Variants in NTM observed in about 807,000 individuals in gnomAD.
The protein encoded by NTM is neurotrimin.
A neutral mutation model predicts 42.1 loss-of-function variants in NTM; 13 were observed. That is an observed-to-expected ratio of 0.31 (90% CI 0.20 to 0.49). The LOEUF (loss-of-function observed/expected upper bound fraction) is 0.49, where lower values mean the gene tolerates loss of function less well. Among genes scored for constraint, NTM ranks in the 20% least tolerant of loss-of-function variants. NTM has a pLI of 0.99. For missense variants in NTM, 373 were observed against 452.8 expected (o/e 0.82, Z 1.60); for synonymous variants, 187 against 179.2 (o/e 1.04, Z -0.35).
At position 131,598,731 on chromosome 11, in the gene NTM, CT is replaced by C. The variant is rs1288828484; in HGVS notation, c.82+227846del. On this transcript the variant is annotated intron_variant, in intron 1 of 8. Coordinates refer to ENST00000683400, the MANE Select transcript of NTM (RefSeq NM_001352005.2). ...TCTTTCTTTCTTTCTTTCTTTCTTT[CT>C]TTCTTTCTTTCTTTCTTTCTTTCTT... is the stretch of plus-strand genomic sequence containing the variant. 1.9e-3 allele frequency among the ~76,000 whole-genome samples: 174 copies of C among 91,958 alleles called. 3 individuals carry two copies. Among genetic ancestry groups the C allele is most frequent in the African/African-American group, 3.8e-3 (98 of 25,710 alleles). 60.3% of individuals were successfully genotyped at this position (91,958 alleles called of 152,430 possible).
At chr11:131,511,553 G>C (rs2048249953) in intron 1 of NTM, among the ~76,000 whole-genome samples, 1 of 152,200 alleles carries the variant, frequency 6.6e-6, no homozygotes, top group African/African-American at 2.4e-5. Flanking sequence ...ATGTAAGCTA[G>C]ACTTTGTGCT....
chr11:131,535,905 C>T (rs2052114497), intron 1 of NTM: 1 of 152,194 alleles, frequency 6.6e-6, no homozygotes, highest in Non-Finnish European at 1.5e-5. Context: ...GCATATAGGT[C>T]TGATATCCGT....
At chr11:131,731,735 C>T (rs1018742251) in intron 1 of NTM, among the ~76,000 whole-genome samples, 1 of 152,220 alleles carries the variant, frequency 6.6e-6, no homozygotes, top group Non-Finnish European at 1.5e-5. Flanking sequence ...GGGCAAGTGG[C>T]TGCCTGGACT....
intron 1 of NTM, among the ~76,000 whole-genome samples, chr11:131,544,044 T>C (rs1313859125): frequency 6.6e-6 from 1 of 152,046 alleles, no homozygotes; most frequent in Non-Finnish European, 1.5e-5. Context: ...CCTACCACCA[T>C]ATTTAGCAAA....
chr11:131,902,307 A>G (rs1392133640), intron 1 of NTM, among the ~76,000 whole-genome samples: 5 of 152,224 alleles, frequency 3.3e-5, no homozygotes, highest in African/African-American at 1.2e-4. Context: ...ACAAACAAAC[A>G]GTTGAGAGTA....
chr11:131,671,387 T>C, intron 1 of NTM: 1 of 977,428 alleles, frequency 1.0e-6, no homozygotes, highest in Non-Finnish European at 1.2e-6. Context: ...CCTGTCTCCA[T>C]CCTTCTACAT....
chr11:131,878,159 G>A (rs1049226586), intron 1 of NTM: 1 of 152,200 alleles, frequency 6.6e-6, no homozygotes, highest in Non-Finnish European at 1.5e-5. Context: ...TTGGGGACAG[G>A]AAGAAAGCTC....
intron 1 of NTM, among the ~76,000 whole-genome samples, chr11:131,817,956 C>G (rs907954587): frequency 1.3e-5 from 2 of 152,182 alleles, no homozygotes; most frequent in African/African-American, 4.8e-5. Flanking sequence ...AGTGTCAGTC[C>G]CATTGACTGT....
At chr11:132,329,176 C>T (rs189419650) in intron 7 of NTM, among the ~76,000 whole-genome samples, 18 of 152,254 alleles carry the variant, frequency 1.2e-4, no homozygotes, top group Admixed American at 2.6e-4. Context: ...TTTCTGTATG[C>T]GAGGACCTTT....
chr11:132,317,759 G>A lies in NTM; in HGVS notation c.934+3056G>A, dbSNP rs375291209. Reference sequence around the variant, plus strand: ...ATCCCAGAGGCCCCCTTCCCCTGCTGTGCATTACCCGAAGCACTTGTCTGT... The same window carrying A: ...ATCCCAGAGGCCCCCTTCCCCTGCTATGCATTACCCGAAGCACTTGTCTGT... On this transcript the variant is annotated intron_variant, in intron 7 of 8. Coordinates refer to ENST00000683400, the MANE Select transcript of NTM (RefSeq NM_001352005.2). The A allele has an allele frequency of 1.6e-5, 15 of 919,554 alleles. No homozygotes were observed. The African/African-American group carries it at 2.6e-4, about 16-fold the overall frequency. 57.0% of individuals were successfully genotyped at this position (919,554 alleles called of 1,614,324 possible). A position where few individuals can be genotyped will look rare whatever the true frequency, so the allele number is the denominator to read the frequency against.
intron 2 of NTM, among the ~76,000 whole-genome samples, chr11:132,046,766 G>C (rs936969313): frequency 1.3e-5 from 2 of 152,140 alleles, no homozygotes; most frequent in Non-Finnish European, 2.9e-5. Flanking sequence ...TTGTGGTGAG[G>C]AACAGAGATC....
chr11:131,767,703 G>GT (rs1359768483), intron 1 of NTM, among the ~76,000 whole-genome samples: 1 of 152,232 alleles, frequency 6.6e-6, no homozygotes, highest in Non-Finnish European at 1.5e-5. Flanking sequence ...ATCCAGAACT[G>GT]TGAGAAACAA....
chr11:131,734,840 G>A (rs957265675), intron 1 of NTM, among the ~76,000 whole-genome samples: 29 of 151,974 alleles, frequency 1.9e-4, no homozygotes, highest in Non-Finnish European at 2.9e-4. Flanking sequence ...CTCCACCCAG[G>A]AGCTGTTCAG....
At position 131,525,932 on chromosome 11, in the gene NTM, G is replaced by T. The variant is rs148790089; in HGVS notation, c.82+155044G>T. 4.8e-3 allele frequency among the ~76,000 whole-genome samples: 724 copies of T among 152,302 alleles called. 6 individuals are homozygous for T. Among genetic ancestry groups the T allele is most frequent in the African/African-American group, 0.016 (667 of 41,564 alleles). On this transcript the variant is annotated intron_variant, in intron 1 of 8. Transcript: ENST00000683400. Reference sequence around the variant, plus strand: ...CAACAAGTAAACGTTTCTATGCTACGTGGAGTTACTTGCAAACTGTCTCAT... The same window carrying T: ...CAACAAGTAAACGTTTCTATGCTACTTGGAGTTACTTGCAAACTGTCTCAT...
chr11:131,617,166 C>T (rs957613680), intron 1 of NTM, among the ~76,000 whole-genome samples: 1 of 151,858 alleles, frequency 6.6e-6, no homozygotes, highest in Non-Finnish European at 1.5e-5. Context: ...TCTCTGATGG[C>T]GTGTGTGTAC....
intron 1 of NTM, among the ~76,000 whole-genome samples, chr11:131,396,547 G>A (rs1030190486): frequency 6.6e-6 from 1 of 152,142 alleles, no homozygotes; most frequent in African/African-American, 2.4e-5. Context: ...GGTAACACAT[G>A]GCTGGGCGCG....
intron 1 of NTM, among the ~76,000 whole-genome samples, chr11:131,659,841 C>T (rs746748676): frequency 4.6e-5 from 7 of 152,242 alleles, no homozygotes; most frequent in South Asian, 2.1e-4. Flanking sequence ...CTGTCCTCCA[C>T]GGAGGGTCTC....
intron 1 of NTM, among the ~76,000 whole-genome samples, chr11:131,754,230 T>C (rs1368370528): frequency 1.3e-5 from 2 of 151,820 alleles, no homozygotes; most frequent in African/African-American, 2.4e-5. Flanking sequence ...CATGTATACA[T>C]ATGTAACTAA....
chr11:131,739,031 T>C (rs778218706), intron 1 of NTM, among the ~76,000 whole-genome samples: 9 of 152,156 alleles, frequency 5.9e-5, no homozygotes, highest in Non-Finnish European at 8.8e-5. Flanking sequence ...GCCATTCATC[T>C]AATTTTTCCA....
Sources: allele counts gnomAD v4.1 joint callset (sites outside exome capture counted in the v4.1 genomes callset), GRCh38; gene constraint gnomAD v4.1.1; transcripts MANE v1.5; gene names NCBI Gene and HGNC (gene_info 2026-07-23, HGNC 2026-07-21).